The following CCND3 variants were observed in gnomAD, a reference collection of about 807,000 sequenced individuals.
CCND3 encodes cyclin D3, also known as G1/S-specific cyclin-D3.
In CCND3, 9 loss-of-function variants were observed where a neutral mutation model predicts 28.7. The ratio of observed to expected loss-of-function variants is 0.31; its 90% CI spans 0.19 to 0.55. The LOEUF is 0.55. CCND3 is among the 20% of genes least tolerant of loss of function. CCND3 has a pLI of 0.93. For synonymous variants in CCND3, 164 were observed against 163.9 expected, an observed-to-expected ratio of 1.00 and a Z score of 0.00; for missense variants, 315 against 385.8, an observed-to-expected ratio of 0.82 and a Z score of 1.54.
At chr6:42,046,815 G>A (rs1185887743) in intron 1 of CCND3, among the ~76,000 whole-genome samples, 1 of 152,188 alleles carries the variant, frequency 6.6e-6, no homozygotes, top group Non-Finnish European at 1.5e-5. Context: ...CTCCCTTTAG[G>A]AAACTCCTAA....
chr6:41,993,410 C>CTTTTTTTTTTTTTTTTTTTTTTT (rs70987558), intron 1 of CCND3, among the ~76,000 whole-genome samples: 1 of 101,692 alleles, frequency 9.8e-6, no homozygotes, highest in Non-Finnish European at 1.9e-5. Context: ...CTCATGTCTT[C>CTTTTTTTTTTTTTTTTTTTTTTT]TTTTTTTTTT....
chr6:42,040,387 C>A (rs1017581029), intron 1 of CCND3, among the ~76,000 whole-genome samples: 15 of 152,008 alleles, frequency 9.9e-5, no homozygotes, highest in Admixed American at 6.6e-4. Context: ...CATTGCACTC[C>A]AGCCTGGGCA....
intron 1 of CCND3, among the ~76,000 whole-genome samples, chr6:42,032,892 C>A (rs1489931678): frequency 6.6e-6 from 1 of 152,184 alleles, no homozygotes; most frequent in African/African-American, 2.4e-5. Context: ...CTGCAGCTTT[C>A]CTAGTGAGTC....
At chr6:42,013,146 G>T (rs138281721) in intron 1 of CCND3, among the ~76,000 whole-genome samples, 139 of 152,300 alleles carry the variant, frequency 9.1e-4, no homozygotes, top group African/African-American at 3.1e-3. Context: ...TCTCTAGAGT[G>T]TAAATGCAGT....
intron 1 of CCND3, among the ~76,000 whole-genome samples, chr6:42,005,529 A>T: frequency 8.6e-6 from 1 of 115,824 alleles, no homozygotes. Flanking sequence ...AGACAGAGTG[A>T]GACCCTGTCT....
intron 1 of CCND3, among the ~76,000 whole-genome samples, chr6:42,020,825 C>T (rs529071606): frequency 6.6e-6 from 1 of 152,338 alleles, no homozygotes; most frequent in East Asian, 1.9e-4. Flanking sequence ...GATCTCAGCT[C>T]ACCGCAACCT....
intron 1 of CCND3, among the ~76,000 whole-genome samples, chr6:42,040,879 C>A (rs201597760): frequency 0.025 from 3,493 of 140,438 alleles, 63 homozygotes; most frequent in Non-Finnish European, 0.04. Context: ...AAAAAAAAAA[C>A]AAAAAAAAAA....
At chr6:41,969,231 G>A (rs761290633) in intron 1 of CCND3, among the ~76,000 whole-genome samples, 10 of 151,702 alleles carry the variant, frequency 6.6e-5, no homozygotes, top group East Asian at 1.9e-4. Flanking sequence ...GATCAAGACT[G>A]GGCCAGGCAC....
chr6:41,984,666 G>A (rs1158536247), intron 1 of CCND3, among the ~76,000 whole-genome samples: 1 of 152,102 alleles, frequency 6.6e-6, no homozygotes, highest in Non-Finnish European at 1.5e-5. Flanking sequence ...CTGTTTTTAA[G>A]TTTTCAAGGA....
chr6:41,959,551 G>T (rs1209269581), intron 1 of CCND3, among the ~76,000 whole-genome samples: 2 of 152,000 alleles, frequency 1.3e-5, no homozygotes, highest in African/African-American at 4.8e-5. Context: ...GGGCGTGGTG[G>T]TGTGTGCCTG....
intron 1 of CCND3, among the ~76,000 whole-genome samples, chr6:42,029,837 C>CAA (rs34732029): frequency 0.01 from 1,199 of 118,182 alleles, 16 homozygotes; most frequent in African/African-American, 0.033. Flanking sequence ...AACTCTGTCT[C>CAA]AAAAAAAAAA....
chr6:41,965,795 C>T (rs1450120502), intron 1 of CCND3, among the ~76,000 whole-genome samples: 2 of 152,270 alleles, frequency 1.3e-5, no homozygotes, highest in East Asian at 3.9e-4. Flanking sequence ...ATATGTTAAT[C>T]GATGCCGTAG....
At chr6:41,993,293 TCTC>T (rs1450065882) in intron 1 of CCND3, among the ~76,000 whole-genome samples, 1 of 152,182 alleles carries the variant, frequency 6.6e-6, no homozygotes, top group Non-Finnish European at 1.5e-5. Context: ...AGATCCCTTT[TCTC>T]CTCATCCTCA....
chr6:41,996,837 G>A (rs1487274499), intron 1 of CCND3, among the ~76,000 whole-genome samples: 1 of 151,752 alleles, frequency 6.6e-6, no homozygotes, highest in African/African-American at 2.4e-5. Flanking sequence ...GCTAATTTTT[G>A]TATTTTTAGT....
In CCND3 at chr6:41,938,932, C is replaced by G. The variant is rs1294109306; in HGVS notation, c.414+1438G>C. On this transcript the variant is annotated intron_variant, in intron 2 of 4. Transcript: ENST00000372991. This position sits in a 1 kb window ranked among gnomAD's most constrained non-coding sequence, Gnocchi z 4.6. Reference sequence around the variant, plus strand: ...AGGAAGTCTTTTGGGCACTCCACCCCCAGCTCAGGCAGAGGGAAGAGTACT... The same window carrying G: ...AGGAAGTCTTTTGGGCACTCCACCCGCAGCTCAGGCAGAGGGAAGAGTACT... 6.6e-6 allele frequency among the ~76,000 whole-genome samples: 1 copy of G among 152,170 alleles called. No individual in the cohort carries two copies. The highest frequency in any genetic ancestry group is 1.5e-5 in the Non-Finnish European group (1 of 68,030).
At chr6:42,034,481 T>C (rs1251381867) in intron 1 of CCND3, among the ~76,000 whole-genome samples, 2 of 124,916 alleles carry the variant, frequency 1.6e-5, no homozygotes, top group African/African-American at 3.1e-5. Flanking sequence ...TTTTTTTTTT[T>C]TTTTTTTTTT....
chr6:42,008,644 A>C (rs1763247733), intron 1 of CCND3, among the ~76,000 whole-genome samples: 1 of 152,246 alleles, frequency 6.6e-6, no homozygotes, highest in Admixed American at 6.5e-5. Flanking sequence ...ATCCTGCTGA[A>C]ATCTCCCAAC....
chr6:41,940,879 T>C, intron 1 of CCND3: 6 of 1,389,624 alleles, frequency 4.3e-6, no homozygotes, highest in East Asian at 2.3e-5. Flanking sequence ...CGAGGGGAAG[T>C]GGGACGCAAG....
chr6:42,034,187 G>A (rs1011389553), intron 1 of CCND3, among the ~76,000 whole-genome samples: 2 of 144,534 alleles, frequency 1.4e-5, no homozygotes, highest in African/African-American at 5.1e-5. Flanking sequence ...CGCTCTTGTT[G>A]CCCAGGCTGG....
Sources: gnomAD v4.1 joint callset for allele counts (sites outside exome capture counted in the v4.1 genomes callset) on GRCh38, gnomAD v4.1.1 for gene constraint, Gnocchi (gnomAD v3.1) non-coding constraint, MANE v1.5 for transcripts, NCBI Gene and HGNC (gene_info 2026-07-23, HGNC 2026-07-21) for gene names.